TAF3: variants seen among roughly 807,000 people sequenced by gnomAD.
TAF3 encodes transcription initiation factor TFIID subunit 3.
A neutral mutation model predicts 80.6 loss-of-function variants in TAF3; 7 were observed. The observed-to-expected ratio is 0.09, with a 90% CI of 0.05 to 0.16. The LOEUF is 0.16. TAF3 is among the 10% of genes least tolerant of loss of function. The pLI, the probability that TAF3 is intolerant of heterozygous loss-of-function variation, is 1.00. For missense variants in TAF3, 921 were observed against 1,140.2 expected, an observed-to-expected ratio of 0.81 and a Z score of 2.77; for synonymous variants, 444 against 446.1, an observed-to-expected ratio of 1.00 and a Z score of 0.06.
At chr10:7,905,370 A>G (rs1022882071) in intron 2 of TAF3, among the ~76,000 whole-genome samples, 5 of 152,250 alleles carry the variant, frequency 3.3e-5, no homozygotes, top group African/African-American at 9.6e-5. Context: ...TAATTCAAAT[A>G]AATTATTAAG....
intron 2 of TAF3, among the ~76,000 whole-genome samples, chr10:7,895,179 G>T (rs1837493660): frequency 6.6e-6 from 1 of 152,112 alleles, no homozygotes; most frequent in Admixed American, 6.6e-5. Context: ...TAAATGAGGG[G>T]CAATTTCCTT....
chr10:7,867,073 A>G (rs974964731), intron 2 of TAF3, among the ~76,000 whole-genome samples: 1 of 152,156 alleles, frequency 6.6e-6, no homozygotes, highest in African/African-American at 2.4e-5. Context: ...AGCCTGGTGA[A>G]CATGGCGAAA....
chr10:7,883,057 A>G (rs1346140335), intron 2 of TAF3, among the ~76,000 whole-genome samples: 1 of 152,242 alleles, frequency 6.6e-6, no homozygotes, highest in Non-Finnish European at 1.5e-5. Flanking sequence ...TATCAAAATA[A>G]GGAAATTAAC....
At chr10:7,871,460 T>TTTTTTTTA (rs1837265584) in intron 2 of TAF3, among the ~76,000 whole-genome samples, 3 of 83,384 alleles carry the variant, frequency 3.6e-5, no homozygotes, top group African/African-American at 8.7e-5. Context: ...TTTTTTTTTT[T>TTTTTTTTA]GAGACGGAGT....
At chr10:7,880,303 T>G (rs1445682825) in intron 2 of TAF3, among the ~76,000 whole-genome samples, 1 of 152,214 alleles carries the variant, frequency 6.6e-6, no homozygotes, top group Non-Finnish European at 1.5e-5. Flanking sequence ...TAACTTTGAT[T>G]TATCAGAGTG....
chr10:7,912,233 G>GA (rs1158500662), intron 2 of TAF3, among the ~76,000 whole-genome samples: 5 of 152,064 alleles, frequency 3.3e-5, no homozygotes, highest in African/African-American at 7.2e-5. Flanking sequence ...ACAAGTAGGA[G>GA]AAAAAAATTG....
chr10:7,928,923 T>C (rs780251320), intron 2 of TAF3, among the ~76,000 whole-genome samples: 1 of 152,232 alleles, frequency 6.6e-6, no homozygotes, highest in Non-Finnish European at 1.5e-5. Context: ...GTCAAAATTT[T>C]CATCTCCACA....
chr10:7,823,425 G>A (rs1196500976), intron 1 of TAF3, among the ~76,000 whole-genome samples: 1 of 151,352 alleles, frequency 6.6e-6, no homozygotes, highest in African/African-American at 2.4e-5. Flanking sequence ...GAGGCCAGGA[G>A]TTCAAAACCA....
At chr10:7,904,468 C>A (rs1237200578) in intron 2 of TAF3, among the ~76,000 whole-genome samples, 1 of 145,816 alleles carries the variant, frequency 6.9e-6, no homozygotes, top group African/African-American at 2.6e-5. Context: ...ATATTCTACA[C>A]CTAGTAGTCT....
chr10:7,873,607 A>T (rs1837286325), intron 2 of TAF3, among the ~76,000 whole-genome samples: 1 of 126,426 alleles, frequency 7.9e-6, no homozygotes, highest in African/African-American at 3.1e-5. Context: ...AAGGGAAGAC[A>T]TCCGAGTTCT....
rs1040247134 is a variant in TAF3, at chr10:8,015,152, A to T, written c.*401A>T. ...CTCAACTGTAATTTAAGGATGATAG[A>T]GTCTGTATACAGTTTTCAGCCCCTT... is the stretch of plus-strand genomic sequence containing the variant. On this transcript the variant is annotated 3_prime_UTR_variant, in exon 7 of 7. Transcript: ENST00000344293. 1 of 161,998 alleles carries T rather than the reference A, an allele frequency of 6.2e-6. No individual in the cohort carries two copies. The highest frequency in any genetic ancestry group is 1.4e-5 in the Non-Finnish European group (1 of 73,288). The allele number at this position is 161,998 out of a possible 1,614,324, so 10.0% of individuals were successfully genotyped here.
At chr10:7,977,074 G>A (rs755667481) in intron 3 of TAF3, among the ~76,000 whole-genome samples, 167 bp from the exon 4 acceptor site, 1 of 152,184 alleles carries the variant, frequency 6.6e-6, no homozygotes. Flanking sequence ...ATGCCAGGTA[G>A]CCTTCAGTTG....
At chr10:7,946,727 C>A (rs199786009) in intron 2 of TAF3, among the ~76,000 whole-genome samples, 14 of 150,638 alleles carry the variant, frequency 9.3e-5, no homozygotes, top group Admixed American at 1.3e-4. Flanking sequence ...TGGTCTCAAA[C>A]GAAAAAAAAA....
At chr10:7,884,489 C>T (rs1837390343) in intron 2 of TAF3, among the ~76,000 whole-genome samples, 1 of 151,184 alleles carries the variant, frequency 6.6e-6, no homozygotes, top group Non-Finnish European at 1.5e-5. Context: ...TGGGTTCAGG[C>T]GATTCTCCTG....
chr10:8,013,623 A>T, intron 5 of TAF3, 108 bp from the exon 6 acceptor site: 1 of 768,636 alleles, frequency 1.3e-6, no homozygotes, highest in Non-Finnish European at 2.2e-6. Context: ...TTAGTTTAAT[A>T]TGCCTGTTTA....
At chr10:7,873,140 T>G (rs1340233525) in intron 2 of TAF3, among the ~76,000 whole-genome samples, 2 of 152,212 alleles carry the variant, frequency 1.3e-5, no homozygotes, top group Non-Finnish European at 2.9e-5. Flanking sequence ...GCTTTAATAT[T>G]TGTAAAATAT....
intron 2 of TAF3, among the ~76,000 whole-genome samples, chr10:7,845,890 A>G (rs975652833): frequency 1.3e-5 from 2 of 151,626 alleles, no homozygotes; most frequent in Admixed American, 1.3e-4. Context: ...TGAAGGCAAC[A>G]GATTATTTCT....
At chr10:7,921,102 T>C (rs1837758501) in intron 2 of TAF3, among the ~76,000 whole-genome samples, 1 of 152,048 alleles carries the variant, frequency 6.6e-6, no homozygotes. Context: ...TTAAGGTTTT[T>C]TTTTTACTCT....
intron 2 of TAF3, among the ~76,000 whole-genome samples, chr10:7,839,871 C>T (rs1222619387): frequency 2.0e-5 from 3 of 152,132 alleles, no homozygotes; most frequent in Admixed American, 6.5e-5. Context: ...AGCGCCTCAG[C>T]GGAGGTGTAT....
Sources: allele counts gnomAD v4.1 joint callset (sites outside exome capture counted in the v4.1 genomes callset), GRCh38; gene constraint gnomAD v4.1.1; transcripts MANE v1.5; gene names NCBI Gene and HGNC (gene_info 2026-07-23, HGNC 2026-07-21).